Variants in DESI2 observed in about 807,000 individuals in gnomAD.
The protein encoded by DESI2 is deubiquitinase DESI2.
A neutral mutation model predicts 24.1 loss-of-function variants in DESI2; 10 were observed. That is an observed-to-expected ratio of 0.41 (90% CI 0.26 to 0.70). The LOEUF is 0.70. DESI2 is among the 30% of genes least tolerant of loss of function. The pLI, the probability that DESI2 is intolerant of heterozygous loss-of-function variation, is 0.29. For missense variants in DESI2, 122 were observed against 234.9 expected, an observed-to-expected ratio of 0.52 and a Z score of 3.14; for synonymous variants, 71 against 87.7, an observed-to-expected ratio of 0.81 and a Z score of 1.06.
At chr1:244,655,705 G>T (rs1479214553) in intron 1 of DESI2, among the ~76,000 whole-genome samples, 4 of 152,232 alleles carry the variant, frequency 2.6e-5, no homozygotes, top group Non-Finnish European at 5.9e-5. Context: ...TATGAAACTT[G>T]AAGAATGGGT....
chr1:244,659,334 AT>A (rs1675757958), intron 1 of DESI2, among the ~76,000 whole-genome samples: 1 of 152,290 alleles, frequency 6.6e-6, no homozygotes. Flanking sequence ...TCTCACACTT[AT>A]GTAAATCAGA....
At chr1:244,664,183 G>C (rs1675961310) in intron 1 of DESI2, among the ~76,000 whole-genome samples, 1 of 152,142 alleles carries the variant, frequency 6.6e-6, no homozygotes, top group Admixed American at 6.5e-5. Context: ...AAGAGAACAA[G>C]CATGATGATT....
intron 1 of DESI2, chr1:244,653,895 T>C: frequency 2.1e-6 from 1 of 470,984 alleles, no homozygotes. Flanking sequence ...CAACACACCC[T>C]TTCCTTGTGT....
intron 1 of DESI2, among the ~76,000 whole-genome samples, chr1:244,681,598 G>A (rs908326950): frequency 1.3e-5 from 2 of 152,160 alleles, no homozygotes; most frequent in Non-Finnish European, 2.9e-5. Context: ...TGCATCCACA[G>A]CTGCCCACCT....
At chr1:244,678,061 G>A (rs2653161) in intron 1 of DESI2, among the ~76,000 whole-genome samples, 147,766 of 152,334 alleles carry the variant, frequency 0.97, 71,819 homozygotes, top group East Asian at 1. Context: ...TCTTGAGCAG[G>A]AACAGTTGAC....
chr1:244,658,878 G>A (rs746164331), intron 1 of DESI2, among the ~76,000 whole-genome samples: 1 of 152,114 alleles, frequency 6.6e-6, no homozygotes, highest in Admixed American at 6.5e-5. Context: ...AAAATACTAT[G>A]GGACTAGACT....
chr1:244,656,911 A>G (rs367719202), intron 1 of DESI2, among the ~76,000 whole-genome samples: 12 of 152,212 alleles, frequency 7.9e-5, no homozygotes, highest in African/African-American at 2.9e-4. Context: ...AGTAGCTGGG[A>G]TTACAGGCAC....
intron 1 of DESI2, among the ~76,000 whole-genome samples, chr1:244,678,224 T>G (rs1014748341): frequency 6.6e-6 from 1 of 152,220 alleles, no homozygotes; most frequent in Non-Finnish European, 1.5e-5. Flanking sequence ...CTGACCACAT[T>G]TGTGGATGGA....
rs1267514209 is a variant in DESI2, at chr1:244,706,181, C to G, written c.*392C>G. On this transcript the variant is annotated 3_prime_UTR_variant, in exon 5 of 5. Transcript: ENST00000302550. ...AATCTTTGTATACTTCTGACAATTG[C>G]CAGATCTATGGCATAAATAGGCACA... 1 of 184,946 alleles carries G rather than the reference C, an allele frequency of 5.4e-6. No homozygotes were observed. The highest frequency in any genetic ancestry group is 2.4e-5 in the African/African-American group (1 of 41,866). 11.5% of individuals were successfully genotyped at this position (184,946 alleles called of 1,614,324 possible).
At chr1:244,686,808 T>G in intron 2 of DESI2, 139 bp downstream of exon 2, 1 of 552,964 alleles carries the variant, frequency 1.8e-6, no homozygotes, top group Non-Finnish European at 3.2e-6. Context: ...CTCCCCATAT[T>G]CATTTATACT....
intron 4 of DESI2, among the ~76,000 whole-genome samples, chr1:244,698,441 A>T (rs900424269): frequency 2.0e-5 from 3 of 152,202 alleles, no homozygotes; most frequent in African/African-American, 7.2e-5. Context: ...TTCTAGCCTG[A>T]TGTGCATAAT....
chr1:244,686,938 T>A (rs1272572863), intron 2 of DESI2, among the ~76,000 whole-genome samples: 1 of 152,222 alleles, frequency 6.6e-6, no homozygotes, highest in South Asian at 2.1e-4. Context: ...TTAAAAAATA[T>A]TTTCCTTTTG....
At chr1:244,661,226 G>A (rs952458456) in intron 1 of DESI2, among the ~76,000 whole-genome samples, 1 of 151,896 alleles carries the variant, frequency 6.6e-6, no homozygotes, top group African/African-American at 2.4e-5. Flanking sequence ...CTGTCTCTGT[G>A]CATTTGACTA....
At chr1:244,690,081 T>C (rs113438409) in intron 3 of DESI2, among the ~76,000 whole-genome samples, 1 of 152,238 alleles carries the variant, frequency 6.6e-6, no homozygotes, top group Non-Finnish European at 1.5e-5. Context: ...TAATTTTTTT[T>C]ATTTATACTT....
At chr1:244,671,249 G>A (rs1402565153) in intron 1 of DESI2, among the ~76,000 whole-genome samples, 4 of 152,290 alleles carry the variant, frequency 2.6e-5, no homozygotes, top group African/African-American at 4.8e-5. Context: ...TGTAATCTCC[G>A]AGGGATGATC....
At chr1:244,664,592 A>C (rs958010305) in intron 1 of DESI2, among the ~76,000 whole-genome samples, 1 of 152,218 alleles carries the variant, frequency 6.6e-6, no homozygotes, top group Non-Finnish European at 1.5e-5. Context: ...CAGCTACTTA[A>C]GGGACTGAGA....
At chr1:244,675,182 G>A (rs561599082) in intron 1 of DESI2, among the ~76,000 whole-genome samples, 2 of 152,068 alleles carry the variant, frequency 1.3e-5, no homozygotes, top group African/African-American at 4.8e-5. Context: ...GTTCTTATAT[G>A]TATTCTACAT....
intron 4 of DESI2, among the ~76,000 whole-genome samples, chr1:244,696,998 C>T (rs1024262549): frequency 2.6e-5 from 4 of 152,184 alleles, no homozygotes; most frequent in African/African-American, 4.8e-5. Flanking sequence ...GGGGATTAAG[C>T]ATGCACATCC....
intron 1 of DESI2, among the ~76,000 whole-genome samples, chr1:244,670,672 C>T (rs1460427487): frequency 6.6e-6 from 1 of 152,114 alleles, no homozygotes; most frequent in South Asian, 2.1e-4. Context: ...TTTCCCAAAG[C>T]CATACAACTA....
Sources: allele counts gnomAD v4.1 joint callset (sites outside exome capture counted in the v4.1 genomes callset), GRCh38; gene constraint gnomAD v4.1.1; transcripts MANE v1.5; gene names NCBI Gene and HGNC (gene_info 2026-07-23, HGNC 2026-07-21).